MACF1: variants seen among roughly 807,000 people sequenced by gnomAD.
The protein encoded by MACF1 is microtubule actin crosslinking factor 1, also known as microtubule-actin cross-linking factor 1.
Under a neutral mutation model 854.8 loss-of-function variants are expected in MACF1, and 193 were observed. That is an observed-to-expected ratio of 0.23 (90% CI 0.20 to 0.25). MACF1 has a LOEUF of 0.25. MACF1 is among the 10% of genes least tolerant of loss of function. The probability of loss-of-function intolerance (pLI) is 1.00; values close to 1 mark genes in which losing one functional copy is unlikely to be tolerated. For missense variants in MACF1, 7,722 were observed against 8,929.1 expected (o/e 0.86, Z 5.45); for synonymous variants, 3,185 against 3,226.7 (o/e 0.99, Z 0.44).
At position 39,315,189 on chromosome 1, in the gene MACF1, C is replaced by CT. The variant is rs1362597889; in HGVS notation, c.3271-323dup. Reference sequence around the variant, plus strand: ...GTTTCTGGTTATCCTTTCTGTCTGTCTCTTTGTATAAACATATACACATAT... The same window carrying CT: ...GTTTCTGGTTATCCTTTCTGTCTGTCTTCTTTGTATAAACATATACACATAT... On this transcript the variant is annotated intron_variant, in intron 26 of 100. Transcript: ENST00000564288. 2.0e-5 allele frequency among the ~76,000 whole-genome samples: 3 copies of CT among 152,272 alleles called. No homozygotes were observed. The East Asian group carries it at 5.8e-4, about 29-fold the overall frequency.
At chr1:39,456,631 A>T (rs783841) in intron 89 of MACF1, 8,439 of 152,136 alleles carry the variant, frequency 0.055, 302 homozygotes, top group African/African-American at 0.098. Context: ...CTTCCTATTC[A>T]GTTCTTCTCC....
intron 100 of MACF1, chr1:39,485,143 C>T (rs192789670): frequency 3.3e-6 from 1 of 306,826 alleles, no homozygotes; most frequent in African/African-American, 2.2e-5. Flanking sequence ...TGCTACTGTT[C>T]CTCATGGGAA....
At chr1:39,407,432 C>T (rs574771986) in intron 58 of MACF1, among the ~76,000 whole-genome samples, 1 of 152,184 alleles carries the variant, frequency 6.6e-6, no homozygotes, top group East Asian at 1.9e-4. Flanking sequence ...GATTCTGGGG[C>T]AGTGCCTTTA....
Position 39,327,227 on chromosome 1 carries a change from A to G in MACF1, c.4488A>G (p.Glu1496=). 6.4e-7 allele frequency: 1 copy of G among 1,570,850 alleles called. No homozygotes were observed. The highest frequency in any genetic ancestry group is 8.7e-7 in the Non-Finnish European group (1 of 1,147,926). ...FLAKHGHKLS[E]KEKKQISEQL... ...ATGCTTCATCTTCCAGGCTCTCAGA[A>G]AAAGAGAAGAAACAAATATCTGAGC... Residue 1496 remains glutamate (E), a synonymous_variant, in exon 36 of 101, where the codon GAA becomes GAG. Transcript: ENST00000564288.
intron 2 of MACF1, among the ~76,000 whole-genome samples, chr1:39,130,858 C>T (rs75746039): frequency 5.6e-5 from 8 of 143,592 alleles, no homozygotes; most frequent in Admixed American, 1.4e-4. Flanking sequence ...TTTTTTTTTT[C>T]GAGATGGAGT....
chr1:39,289,262 G>C (rs1468943253), intron 15 of MACF1, among the ~76,000 whole-genome samples: 1 of 152,184 alleles, frequency 6.6e-6, no homozygotes, highest in Non-Finnish European at 1.5e-5. Context: ...CCAGCAGTGG[G>C]ATTGCTGGAT....
At chr1:39,405,588 C>T (rs1007575204) in intron 58 of MACF1, among the ~76,000 whole-genome samples, 1 of 152,208 alleles carries the variant, frequency 6.6e-6, no homozygotes, top group African/African-American at 2.4e-5. Flanking sequence ...GGAGACTCCA[C>T]CCGGCTGTCT....
At chr1:39,323,085 G>C (rs1010082230) in intron 33 of MACF1, 77 bp downstream of exon 33, 3 of 1,371,968 alleles carry the variant, frequency 2.2e-6, no homozygotes, top group Non-Finnish European at 1.0e-6. Flanking sequence ...TGTGCCTGTA[G>C]TCTCTGGTAC....
intron 1 of MACF1, among the ~76,000 whole-genome samples, chr1:39,210,627 A>G (rs1032587105): frequency 1.3e-5 from 2 of 152,136 alleles, no homozygotes; most frequent in Non-Finnish European, 2.9e-5. Context: ...TGGACTGGTC[A>G]CTTACTTCCT....
intron 84 of MACF1, among the ~76,000 whole-genome samples, chr1:39,450,047 A>G (rs1017610796): frequency 3.3e-5 from 5 of 151,972 alleles, no homozygotes; most frequent in African/African-American, 1.2e-4. Context: ...TATTTTTATT[A>G]GAGACGGGGT....
At chr1:39,296,811 A>AAAGGAAGGAAGGAAGG (rs751164815) in intron 20 of MACF1, among the ~76,000 whole-genome samples, 6 of 106,390 alleles carry the variant, frequency 5.6e-5, no homozygotes, top group African/African-American at 3.3e-4. Flanking sequence ...GAAAAGAAAG[A>AAAGGAAGGAAGGAAGG]AAGGAAGGAA....
intron 61 of MACF1, among the ~76,000 whole-genome samples, chr1:39,427,210 G>A (rs1258595803): frequency 1.3e-5 from 2 of 151,882 alleles, no homozygotes; most frequent in African/African-American, 4.8e-5. Context: ...TATAATAGGG[G>A]GATAATTATT....
upstream of MACF1, among the ~76,000 whole-genome samples, chr1:39,201,140 C>A (rs980475339): frequency 6.6e-6 from 1 of 152,074 alleles, no homozygotes; most frequent in Non-Finnish European, 1.5e-5. Context: ...TTATTCTTTC[C>A]CTGCTCATTC....
At chr1:39,375,576 C>T (rs981744294) in intron 52 of MACF1, among the ~76,000 whole-genome samples, 1 of 152,234 alleles carries the variant, frequency 6.6e-6, no homozygotes, top group Admixed American at 6.5e-5. Flanking sequence ...GCTGGGATTA[C>T]AGGTGTGAGC....
chr1:39,404,064 G>A (rs981052370), intron 58 of MACF1, among the ~76,000 whole-genome samples: 9 of 151,976 alleles, frequency 5.9e-5, no homozygotes, highest in African/African-American at 1.9e-4. Flanking sequence ...GAGAGGCAGA[G>A]GTTGCAATGA....
chr1:39,125,427 G>A (rs978277097), intron 2 of MACF1, among the ~76,000 whole-genome samples: 1 of 152,214 alleles, frequency 6.6e-6, no homozygotes, highest in Non-Finnish European at 1.5e-5. Flanking sequence ...TGTGAGGTTT[G>A]AATAAGATAA....
intron 2 of MACF1, among the ~76,000 whole-genome samples, chr1:39,233,808 T>TTTTTTTGTTTTTTTTTTA (rs755591226): frequency 1.5e-5 from 1 of 65,772 alleles, no homozygotes; most frequent in Non-Finnish European, 3.3e-5. Flanking sequence ...ATTTATTTTT[T>TTTTTTTGTTTTTTTTTTA]ATTGATAATT....
At chr1:39,477,066 T>C (rs1160863066) in intron 97 of MACF1, among the ~76,000 whole-genome samples, 3 of 17,102 alleles carry the variant, frequency 1.8e-4, no homozygotes, top group Admixed American at 7.0e-4. Context: ...TATATATATA[T>C]ATATATATAT....
At chr1:39,098,018 C>T (rs1408901903) in intron 2 of MACF1, among the ~76,000 whole-genome samples, 1 of 152,170 alleles carries the variant, frequency 6.6e-6, no homozygotes, top group Non-Finnish European at 1.5e-5. Context: ...TGGGGAACCT[C>T]CCAATTCCCC....
Sources: gnomAD v4.1 joint callset for allele counts (sites outside exome capture counted in the v4.1 genomes callset) on GRCh38, gnomAD v4.1.1 for gene constraint, MANE v1.5 for transcripts, NCBI Gene and HGNC (gene_info 2026-07-23, HGNC 2026-07-21) for gene names.